Variants in NPIPB11 observed in about 807,000 individuals in gnomAD.
NPIPB11 encodes nuclear pore complex-interacting protein family member B11.
Under a neutral mutation model 32.8 loss-of-function variants are expected in NPIPB11, and 17 were observed. That is an observed-to-expected ratio of 0.52 (90% confidence interval 0.35 to 0.78). The LOEUF (loss-of-function observed/expected upper bound fraction) is 0.78. Ranked by LOEUF, NPIPB11 falls within the 30% of genes least tolerant of loss-of-function variation. NPIPB11 has a pLI of 0.01. For synonymous variants in NPIPB11, 209 were observed against 398.4 expected (o/e 0.52, Z 5.66); for missense variants, 537 against 1,000.4 (o/e 0.54, Z 6.25).
At chr16:29,392,602 T>G (rs2142127832) in intron 3 of NPIPB11, among the ~76,000 whole-genome samples, 1 of 151,036 alleles carries the variant, frequency 6.6e-6, no homozygotes, top group Admixed American at 6.6e-5. Flanking sequence ...CCCAGCTACT[T>G]GAGAGGCTGA....
At position 29,382,228 on chromosome 16, in the gene NPIPB11, T is replaced by G. The variant is rs563127630; in HGVS notation, c.2704A>C (p.Lys902Gln). Residue 902 changes from lysine (K) to glutamine (Q), a missense_variant, in exon 8 of 8, where the codon AAA (lysine) becomes CAA (glutamine). Physicochemically the swap from Lys to Gln is moderately conservative, Grantham distance 53. Transcript: ENST00000524087. ...GGTGGAAGGGGAGTGAGCTGACGTT[T>G]GGAAGGTGTCTTGAGATTATCATCC... The G allele has an allele frequency of 3.9e-6, 6 of 1,542,814 alleles. No individual in the cohort carries two copies. The Admixed American group carries it at 5.5e-5, about 14-fold the overall frequency.
At chr16:29,382,268 C>T (rs80163283) in exon 8 of NPIPB11, 8 of 1,604,044 alleles carry the variant, frequency 5.0e-6, no homozygotes, top group South Asian at 2.2e-5. Flanking sequence ...AGGGTGGAAG[C>T]GGAACCCACA....
chr16:29,400,836 G>A (rs543286415), intron 2 of NPIPB11, among the ~76,000 whole-genome samples: 6 of 152,222 alleles, frequency 3.9e-5, no homozygotes, highest in African/African-American at 1.2e-4. Flanking sequence ...TGGTTCCATC[G>A]GAGGTGGCAG....
At chr16:29,396,708 C>G (rs1596680250) in intron 2 of NPIPB11, among the ~76,000 whole-genome samples, 1 of 151,154 alleles carries the variant, frequency 6.6e-6, no homozygotes, top group African/African-American at 2.4e-5. Flanking sequence ...TTGCGGTGAG[C>G]TGATATTGCC....
intron 2 of NPIPB11, among the ~76,000 whole-genome samples, chr16:29,399,977 T>A (rs1383638680): frequency 6.6e-6 from 1 of 151,684 alleles, no homozygotes; most frequent in Non-Finnish European, 1.5e-5. Flanking sequence ...CTCAGGAGAC[T>A]GAGGCAGGAC....
At chr16:29,400,920 C>G (rs1412763201) in intron 2 of NPIPB11, among the ~76,000 whole-genome samples, 1 of 152,068 alleles carries the variant, frequency 6.6e-6, no homozygotes, top group Non-Finnish European at 1.5e-5. Flanking sequence ...CCCACTATCC[C>G]CACAGACGAT....
chr16:29,402,746 G>GTGTGTGTGTGTGTGTGTGTA (rs1964026819), intron 2 of NPIPB11, among the ~76,000 whole-genome samples: 2 of 150,422 alleles, frequency 1.3e-5, no homozygotes, highest in African/African-American at 4.9e-5. Flanking sequence ...GTGTGTGTGT[G>GTGTGTGTGTGTGTGTGTGTA]TGTGTGTGTG....
chr16:29,402,698 G>GTCTC (rs762980727), intron 2 of NPIPB11, among the ~76,000 whole-genome samples: 13,374 of 116,422 alleles, frequency 0.11, 508 homozygotes, highest in East Asian at 0.16. Context: ...GTGAAACTCT[G>GTCTC]TCTCTCTCTC....
exon 3 of NPIPB11, chr16:29,394,030 C>G: frequency 6.3e-7 from 1 of 1,599,434 alleles, no homozygotes; most frequent in Non-Finnish European, 8.5e-7. Flanking sequence ...AGGACTTCCA[C>G]CAAAGTCAGT....
upstream of NPIPB11, among the ~76,000 whole-genome samples, chr16:29,404,433 TATA>T (rs1316374815): frequency 8.1e-5 from 8 of 98,714 alleles, no homozygotes; most frequent in Non-Finnish European, 1.5e-4. Flanking sequence ...ATAAACTATA[TATA>T]ATGAGAATCC....
At chr16:29,395,677 T>A (rs910482332) in intron 2 of NPIPB11, among the ~76,000 whole-genome samples, 8 of 149,326 alleles carry the variant, frequency 5.4e-5, no homozygotes, top group Non-Finnish European at 3.0e-5. Context: ...CAAATTTTAG[T>A]GCTTAAAAAT....
In NPIPB11 at chr16:29,397,577, C is replaced by G. The variant is rs562318580; in HGVS notation, c.121-3501G>C. 5.5e-5 allele frequency: 83 copies of G among 1,521,730 alleles called. No homozygotes were observed. In the East Asian group the frequency reaches 1.6e-3, roughly 30 times the overall value. The allele number at this position is 1,521,730 out of a possible 1,614,324, so 94.3% of individuals were successfully genotyped here. A position where few individuals can be genotyped will look rare whatever the true frequency, so the allele number is the denominator to read the frequency against. ...TCCAGCGTCTACTCACACGGATGCA[C>G]TGATGGCTGATAAATTCCAGCAGGA... is the stretch of plus-strand genomic sequence containing the variant. On this transcript the variant is annotated intron_variant, in intron 2 of 7. Transcript: ENST00000524087.
chr16:29,389,367 TAAAAAAAAAAAA>T (rs1175211779), intron 5 of NPIPB11, among the ~76,000 whole-genome samples: 2 of 58,656 alleles, frequency 3.4e-5, no homozygotes, highest in Non-Finnish European at 5.7e-5. Context: ...ATCTCAAAAT[TAAAAAAAAAAAA>T]AAAAAAAAAA....
chr16:29,382,230 G>A, exon 8 of NPIPB11: 3 of 1,587,774 alleles, frequency 1.9e-6, no homozygotes, highest in Non-Finnish European at 2.6e-6. Flanking sequence ...CTGACGTTTG[G>A]AAGGTGTCTT....
chr16:29,392,688 C>T (rs1441147396), intron 3 of NPIPB11, among the ~76,000 whole-genome samples: 3 of 145,424 alleles, frequency 2.1e-5, no homozygotes, highest in African/African-American at 7.7e-5. Flanking sequence ...CCAGCCTGGG[C>T]AACAGAAGGA....
chr16:29,390,408 G>T (rs923000492), intron 3 of NPIPB11, 60 bp from the exon 4 acceptor site: 452 of 1,594,616 alleles, frequency 2.8e-4, no homozygotes, highest in Non-Finnish European at 3.8e-4. Context: ...TATAATCCCA[G>T]TACTTCGGGA....
Position 29,402,656 on chromosome 16 carries a change from T to C in NPIPB11, c.120+1027A>G, listed in dbSNP as rs867681845. ...AGACGGAGGTTGCAGTGAGCCAAGA[T>C]TGTGCCACTGCACTCCAGCCTGGGC... On this transcript the variant is annotated intron_variant, in intron 2 of 7. Coordinates refer to ENST00000524087, the Ensembl canonical transcript of NPIPB11. Among the ~76,000 whole-genome samples, 69 of 141,368 alleles carry C rather than the reference T, an allele frequency of 4.9e-4. 1 individual carries two copies. Among genetic ancestry groups the C allele is most frequent in the Admixed American group, 3.6e-3 (50 of 13,974 alleles). The allele number at this position is 141,368 out of a possible 152,430, so 92.7% of individuals were successfully genotyped here.
chr16:29,403,003 G>A lies in NPIPB11; in HGVS notation c.120+680C>T, dbSNP rs548544492. The stretch of plus-strand genomic sequence containing the variant: ...AGAACATATATATGTACTATAGAAT[G>A]TATTTATTATGAGTCATGTTAAAAA... On this transcript the variant is annotated intron_variant, in intron 2 of 7. Transcript: ENST00000524087. Among the ~76,000 whole-genome samples, 7 of 150,282 alleles carry A rather than the reference G, an allele frequency of 4.7e-5. No individual in the cohort carries two copies. In the South Asian group the frequency reaches 1.5e-3, roughly 32 times the overall value.
chr16:29,397,515 G>A (rs568558002), intron 2 of NPIPB11: 16 of 1,487,348 alleles, frequency 1.1e-5, no homozygotes, highest in Admixed American at 8.1e-5. Context: ...TTCATGCCGC[G>A]TGACACAGCC....
Sources: gnomAD v4.1 joint callset for allele counts (sites outside exome capture counted in the v4.1 genomes callset) on GRCh38, gnomAD v4.1.1 for gene constraint, MANE v1.5 for transcripts, NCBI Gene and HGNC (gene_info 2026-07-23, HGNC 2026-07-21) for gene names.